MYH9: variants seen among roughly 807,000 people sequenced by gnomAD.
MYH9 encodes myosin heavy chain 9, also known as myosin-9.
A neutral mutation model predicts 241.9 loss-of-function variants in MYH9; 29 were observed. The ratio of observed to expected loss-of-function variants is 0.12; its 90% confidence interval spans 0.09 to 0.16. The LOEUF (loss-of-function observed/expected upper bound fraction) is 0.16. Among genes scored for constraint, MYH9 ranks in the 10% least tolerant of loss-of-function variants. The probability of loss-of-function intolerance (pLI) is 1.00; values close to 1 mark genes in which losing one functional copy is unlikely to be tolerated. For missense variants in MYH9, 1,803 were observed against 2,595.5 expected (o/e 0.69, Z 6.63); for synonymous variants, 1,047 against 1,062.6 (o/e 0.99, Z 0.29).
rs2016849275 is a variant in MYH9, at chr22:36,300,002, C to T, written c.2976+125G>A. 1.4e-6 allele frequency: 2 copies of T among 1,379,890 alleles called. No individual in the cohort carries two copies. The highest frequency in any genetic ancestry group is 3.4e-5 in the Admixed American group (2 of 58,718). The allele number at this position is 1,379,890 out of a possible 1,614,324, so 85.5% of individuals were successfully genotyped here. The stretch of plus-strand genomic sequence containing the variant: ...GGAGCACTTGCAGTTAAGCAGAAGC[C>T]CTCATGCTGCAGGCAGAAGAGACAG... On this transcript the variant is annotated intron_variant, in intron 23 of 40. Transcript: ENST00000216181. The surrounding 1 kb of genome is among the most constrained non-coding windows in gnomAD (Gnocchi z 5.0).
At position 36,319,464 on chromosome 22, in the gene MYH9, C is replaced by T. The variant is rs2017214250; in HGVS notation, c.1108+76G>A. 5.7e-6 allele frequency: 8 copies of T among 1,395,458 alleles called. No homozygotes were observed. In the Admixed American group the frequency reaches 1.2e-4, roughly 21 times the overall value. The allele number at this position is 1,395,458 out of a possible 1,614,324, so 86.4% of individuals were successfully genotyped here. A position where few individuals can be genotyped will look rare whatever the true frequency, so the allele number is the denominator to read the frequency against. On this transcript the variant is annotated intron_variant, in intron 10 of 40. Transcript: ENST00000216181. ...AAAAGAATAGTGTCCGGAATTTCCG[C>T]AAGACCTTCCCTCCTGAGCAAATCC...
chr22:36,302,310 AG>A (rs762121618), intron 20 of MYH9: 32 of 426,678 alleles, frequency 7.5e-5, no homozygotes, highest in Non-Finnish European at 1.4e-4. Context: ...TTTAAAGGCC[AG>A]GAAGGTCAGC....
At chr22:36,358,159 G>A (rs544969051) in intron 1 of MYH9, among the ~76,000 whole-genome samples, 10 of 152,262 alleles carry the variant, frequency 6.6e-5, no homozygotes, top group African/African-American at 2.4e-4. Context: ...CCACCTCCCC[G>A]GTTCAAGCAA....
chr22:36,319,650 A>G lies in MYH9; in HGVS notation c.1013-15T>C, dbSNP rs752162690. 1.9e-6 allele frequency: 3 copies of G among 1,613,500 alleles called. No individual in the cohort carries two copies. Among genetic ancestry groups the G allele is most frequent in the African/African-American group, 2.7e-5 (2 of 74,886 alleles). On this transcript the variant is annotated splice_polypyrimidine_tract_variant and intron_variant, in intron 9 of 40. Transcript: ENST00000216181. ...CCGCAGCAGGCCTTTGGGTGCAATC[A>G]GAGGCAGCTCAGAAGCAGACATGGG...
chr22:36,285,418 C>T lies in MYH9; in HGVS notation c.5275-89G>A. 2 of 1,443,888 alleles carry T rather than the reference C, an allele frequency of 1.4e-6. No homozygotes were observed. The highest frequency in any genetic ancestry group is 1.9e-6 in the Non-Finnish European group (2 of 1,039,440). 89.4% of individuals were successfully genotyped at this position (1,443,888 alleles called of 1,614,324 possible). On this transcript the variant is annotated intron_variant, in intron 37 of 40. Coordinates refer to ENST00000216181, the MANE Select transcript of MYH9 (RefSeq NM_002473.6). This position sits in a 1 kb window ranked among gnomAD's most constrained non-coding sequence, Gnocchi z 7.0. Reference sequence around the variant, plus strand: ...GCCAGAGGAAGGTGGCAGCAGGATCCCACCAAACCCTTGGGGTCCAGAGTC... The same window carrying T: ...GCCAGAGGAAGGTGGCAGCAGGATCTCACCAAACCCTTGGGGTCCAGAGTC...
chr22:36,289,862 C>T lies in MYH9; in HGVS notation c.4345-565G>A, dbSNP rs558122326. On this transcript the variant is annotated intron_variant, in intron 31 of 40. Transcript: ENST00000216181. ...TTCCTAAAGGGCCAGATAGTGCATT[C>T]TTTAGAGTATGCAGGCCCTACAGTC... Among the ~76,000 whole-genome samples, 3 of 152,262 alleles carry T rather than the reference C, an allele frequency of 2.0e-5. No homozygotes were observed. The East Asian group carries it at 5.8e-4, about 29-fold the overall frequency.
intron 1 of MYH9, among the ~76,000 whole-genome samples, chr22:36,373,434 G>A (rs911583271): frequency 2.0e-4 from 31 of 152,230 alleles, no homozygotes; most frequent in Non-Finnish European, 5.9e-5. Flanking sequence ...GAGGCGGGGT[G>A]AACAGGTTGA....
rs150106894 is a variant in MYH9 at position 36,322,417 on chromosome 22, C to T, written c.705+12G>A. The T allele has an allele frequency of 1.4e-5, 23 of 1,613,658 alleles. No homozygotes were observed. The highest frequency in any genetic ancestry group is 9.9e-5 in the South Asian group (9 of 91,084). ...TCTGTCCCCAGAGCCGGGGCGCCGC[C>T]GCGCTACTCACGAAGCGGGAGGAGT... On this transcript the variant is annotated intron_variant, in intron 6 of 40. Coordinates refer to ENST00000216181, the MANE Select transcript of MYH9 (RefSeq NM_002473.6).
intron 5 of MYH9, among the ~76,000 whole-genome samples, chr22:36,324,387 C>T (rs2017303580): frequency 6.6e-6 from 1 of 152,254 alleles, no homozygotes; most frequent in Admixed American, 6.5e-5. Flanking sequence ...TTCTGAAGGG[C>T]TTCACTGGGT....
chr22:36,286,975 G>A (rs375074312), intron 34 of MYH9, 129 bp from the exon 35 acceptor site: 41 of 1,382,386 alleles, frequency 3.0e-5, no homozygotes, highest in African/African-American at 5.7e-5. Context: ...CCAACTAACC[G>A]TGGTGACAGG....
chr22:36,364,582 C>A (rs1304384064), intron 1 of MYH9, among the ~76,000 whole-genome samples: 1 of 152,190 alleles, frequency 6.6e-6, no homozygotes, highest in Non-Finnish European at 1.5e-5. Context: ...CATCCAGGGT[C>A]CTCACCCTCC....
At chr22:36,369,823 G>A (rs188021935) in intron 1 of MYH9, among the ~76,000 whole-genome samples, 32 of 152,338 alleles carry the variant, frequency 2.1e-4, no homozygotes, top group South Asian at 8.3e-4. Flanking sequence ...GGAGCTGGGA[G>A]AGGATTTTAG....
At chr22:36,380,055 A>C (rs1348198144) in intron 1 of MYH9, among the ~76,000 whole-genome samples, 1 of 152,224 alleles carries the variant, frequency 6.6e-6, no homozygotes, top group Non-Finnish European at 1.5e-5. Context: ...CCGCCCGCCC[A>C]TGCAGTGGCG....
chr22:36,304,431 G>T lies in MYH9; in HGVS notation c.2230-276C>A, dbSNP rs570800032. 5.3e-5 allele frequency among the ~76,000 whole-genome samples: 8 copies of T among 152,306 alleles called. No homozygotes were observed. The South Asian group carries it at 1.7e-3, about 32-fold the overall frequency. On this transcript the variant is annotated intron_variant, in intron 18 of 40. Transcript: ENST00000216181. ...GCAGCCAAAGCTTTCTGATTCTTTA[G>T]AAAGAACGTGAAGTAAAACAAGGCC...
At chr22:36,383,115 G>A (rs1204497454) in intron 1 of MYH9, among the ~76,000 whole-genome samples, 1 of 151,924 alleles carries the variant, frequency 6.6e-6, no homozygotes. Context: ...TGGCTACTCA[G>A]GAGGCTGAGG....
In MYH9 at chr22:36,356,566, G is replaced by C. The variant is rs544655932; in HGVS notation, c.-19-7311C>G. Among the ~76,000 whole-genome samples the C allele has an allele frequency of 1.8e-4, 21 of 117,878 alleles. No homozygotes were observed. The South Asian group carries it at 6.4e-3, about 36-fold the overall frequency. The allele number at this position is 117,878 out of a possible 152,430, so 77.3% of individuals were successfully genotyped here. ...ACTGCACTCCAGCCTGGGCAACAGA[G>C]TGAGACTCCATCTCAAAAAAAAAAA... On this transcript the variant is annotated intron_variant, in intron 1 of 40. Transcript: ENST00000216181.
rs1298513876 is a variant in MYH9 at position 36,282,865 on chromosome 22, A to C, written c.5766-80T>G. 9 of 1,262,006 alleles carry C rather than the reference A, an allele frequency of 7.1e-6. No homozygotes were observed. The African/African-American group carries it at 1.3e-4, about 19-fold the overall frequency. The allele number at this position is 1,262,006 out of a possible 1,614,324, so 78.2% of individuals were successfully genotyped here. ...CCACAGCACAGCCCACACATCTCAA[A>C]GTGAATTCGAGAGGGAAACCAGGTG... is the stretch of plus-strand genomic sequence containing the variant. On this transcript the variant is annotated intron_variant, in intron 40 of 40. Transcript: ENST00000216181.
intron 15 of MYH9, 40 bp downstream of exon 15, chr22:36,309,242 C>A: frequency 6.4e-7 from 1 of 1,553,162 alleles, no homozygotes; most frequent in South Asian, 1.1e-5. Context: ...TGACCAGCCG[C>A]AGCCAAGAGG....
chr22:36,338,816 T>C (rs1412926143), intron 3 of MYH9, among the ~76,000 whole-genome samples: 2 of 145,506 alleles, frequency 1.4e-5, no homozygotes, highest in Non-Finnish European at 3.0e-5. Flanking sequence ...TGAGACTCCA[T>C]CTCAAAAAAA....
Sources: gnomAD v4.1 joint callset for allele counts (sites outside exome capture counted in the v4.1 genomes callset) on GRCh38, gnomAD v4.1.1 for gene constraint, Gnocchi (gnomAD v3.1) non-coding constraint, MANE v1.5 for transcripts, NCBI Gene and HGNC (gene_info 2026-07-23, HGNC 2026-07-21) for gene names.